NYAP2: variants seen among roughly 807,000 people sequenced by gnomAD.
NYAP2 encodes the protein neuronal tyrosine-phosphorylated phosphoinositide-3-kinase adaptor 2.
In NYAP2, 23 loss-of-function variants were observed where a neutral mutation model predicts 50.4. That is an observed-to-expected ratio of 0.46 (90% CI 0.33 to 0.65). The LOEUF (loss-of-function observed/expected upper bound fraction) is 0.65, where lower values mean the gene tolerates loss of function less well. NYAP2 is among the 30% of genes least tolerant of loss of function. The probability of loss-of-function intolerance (pLI) is 0.02; values close to 1 mark genes in which losing one functional copy is unlikely to be tolerated. For missense variants in NYAP2, 885 were observed against 861.0 expected (o/e 1.03, Z -0.35); for synonymous variants, 394 against 365.2 (o/e 1.08, Z -0.90).
chr2:225,605,788 C>T (rs999040092), intron 5 of NYAP2, among the ~76,000 whole-genome samples: 1 of 151,984 alleles, frequency 6.6e-6, no homozygotes, highest in African/African-American at 2.4e-5. Flanking sequence ...AGATTAGCTC[C>T]TATTTATTTA....
chr2:225,533,776 G>C (rs1012372811), intron 4 of NYAP2, among the ~76,000 whole-genome samples: 3 of 151,974 alleles, frequency 2.0e-5, no homozygotes, highest in African/African-American at 7.2e-5. Context: ...AAATTAAATA[G>C]TAGCCAGATA....
chr2:225,493,399 C>G (rs562424880), intron 3 of NYAP2, among the ~76,000 whole-genome samples: 2 of 152,314 alleles, frequency 1.3e-5, no homozygotes, highest in African/African-American at 4.8e-5. Flanking sequence ...ATGGCTGATA[C>G]AGGATCATGA....
At chr2:225,437,937 G>A (rs957251432) in intron 3 of NYAP2, among the ~76,000 whole-genome samples, 3 of 152,138 alleles carry the variant, frequency 2.0e-5, no homozygotes, top group Admixed American at 1.3e-4. Flanking sequence ...TCATGATAAA[G>A]CTTCACCAGT....
At chr2:225,571,226 A>G (rs1692066250) in intron 4 of NYAP2, among the ~76,000 whole-genome samples, 1 of 152,272 alleles carries the variant, frequency 6.6e-6, no homozygotes, top group East Asian at 1.9e-4. Flanking sequence ...TTCCAGGCAC[A>G]TGGTGCAAGC....
At chr2:225,477,216 T>C in intron 3 of NYAP2, among the ~76,000 whole-genome samples, 1 of 147,782 alleles carries the variant, frequency 6.8e-6, no homozygotes, top group East Asian at 2.0e-4. Context: ...TTAGCAGGTC[T>C]GAGAGTCTCT....
the NYAP2 span, among the ~76,000 whole-genome samples, chr2:225,686,928 T>C: frequency 1.3e-5 from 2 of 152,188 alleles, no homozygotes; most frequent in African/African-American, 2.4e-5. Context: ...AGTCCTCTTA[T>C]CTTCCAGCAG....
chr2:225,547,084 C>T (rs1441674602), intron 4 of NYAP2, among the ~76,000 whole-genome samples: 1 of 152,130 alleles, frequency 6.6e-6, no homozygotes, highest in Non-Finnish European at 1.5e-5. Context: ...GTCCTCTTTA[C>T]TCTTCCCTCT....
chr2:225,694,899 C>T, the NYAP2 span, among the ~76,000 whole-genome samples: 1 of 151,682 alleles, frequency 6.6e-6, no homozygotes, highest in Non-Finnish European at 1.5e-5. Flanking sequence ...TTCTTACTCA[C>T]TACACATGTC....
intron 5 of NYAP2, among the ~76,000 whole-genome samples, chr2:225,593,225 A>G (rs1692539847): frequency 6.6e-6 from 1 of 152,172 alleles, no homozygotes; most frequent in Non-Finnish European, 1.5e-5. Context: ...ATGTCACAAG[A>G]GGTGGTTTCC....
At chr2:225,604,098 G>C (rs995281116) in intron 5 of NYAP2, among the ~76,000 whole-genome samples, 4 of 152,114 alleles carry the variant, frequency 2.6e-5, no homozygotes, top group African/African-American at 9.7e-5. Flanking sequence ...CGATTCCCAA[G>C]GTATTTTGTG....
intron 3 of NYAP2, among the ~76,000 whole-genome samples, chr2:225,463,835 T>C (rs776564294): frequency 4.6e-5 from 7 of 152,196 alleles, no homozygotes; most frequent in African/African-American, 7.2e-5. Context: ...GTGAGCAGCA[T>C]GCACTTTGGG....
intron 6 of NYAP2, among the ~76,000 whole-genome samples, chr2:225,639,402 T>A (rs531066330): frequency 1.1e-3 from 162 of 152,362 alleles, no homozygotes; most frequent in African/African-American, 3.8e-3. Context: ...AATGCCTTTA[T>A]GTGTACTGTC....
chr2:225,672,328 A>C, the NYAP2 span, among the ~76,000 whole-genome samples: 1 of 152,092 alleles, frequency 6.6e-6, no homozygotes, highest in Non-Finnish European at 1.5e-5. Context: ...CTTTCTTTAA[A>C]CCTAATCAAC....
intron 4 of NYAP2, among the ~76,000 whole-genome samples, chr2:225,577,828 AGAAGCCCC>A (rs1692195383): frequency 6.6e-6 from 1 of 151,402 alleles, no homozygotes; most frequent in Non-Finnish European, 1.5e-5. Flanking sequence ...TTTTAAAAAA[AGAAGCCCC>A]TGCCCCCATA....
At chr2:225,407,126 C>A (rs1472538122) in intron 2 of NYAP2, among the ~76,000 whole-genome samples, 1 of 151,972 alleles carries the variant, frequency 6.6e-6, no homozygotes, top group Non-Finnish European at 1.5e-5. Context: ...CCAGGCACTC[C>A]TAGTGCAAAA....
intron 5 of NYAP2, among the ~76,000 whole-genome samples, chr2:225,589,969 T>A (rs1016668236): frequency 5.3e-5 from 8 of 152,142 alleles, no homozygotes; most frequent in African/African-American, 1.9e-4. Flanking sequence ...TGGAGCAACC[T>A]GACCGGAGTT....
chr2:225,647,810 T>C (rs2106270294), intron 6 of NYAP2, among the ~76,000 whole-genome samples: 1 of 152,222 alleles, frequency 6.6e-6, no homozygotes, highest in African/African-American at 2.4e-5. Context: ...GATCACAGGA[T>C]GCTTTTCAAT....
chr2:225,487,967 A>G (rs1192756064), intron 3 of NYAP2, among the ~76,000 whole-genome samples: 1 of 152,230 alleles, frequency 6.6e-6, no homozygotes, highest in African/African-American at 2.4e-5. Context: ...TGACATTCCC[A>G]AAGTGCTTGG....
intron 3 of NYAP2, among the ~76,000 whole-genome samples, chr2:225,459,829 C>A (rs535656729): frequency 2.0e-5 from 3 of 151,912 alleles, no homozygotes; most frequent in Admixed American, 6.6e-5. Context: ...CCCGCCACCA[C>A]GCCTGGCTAA....
Sources: allele counts gnomAD v4.1 joint callset (sites outside exome capture counted in the v4.1 genomes callset), GRCh38; gene constraint gnomAD v4.1.1; transcripts MANE v1.5; gene names NCBI Gene and HGNC (gene_info 2026-07-23, HGNC 2026-07-21).